Variants in GALNTL6 observed in about 807,000 individuals in gnomAD.
GALNTL6 encodes polypeptide N-acetylgalactosaminyltransferase-like 6.
A neutral mutation model predicts 73.7 loss-of-function variants in GALNTL6; 46 were observed. That is an observed-to-expected ratio of 0.62 (90% confidence interval 0.49 to 0.80). The LOEUF is 0.80. GALNTL6 is among the 30% of genes least tolerant of loss of function. The pLI is 0.00. For synonymous variants in GALNTL6, 259 were observed against 263.7 expected (o/e 0.98, Z 0.17); for missense variants, 604 against 755.0 (o/e 0.80, Z 2.34).
chr4:172,959,113 A>G (rs1749909604), intron 10 of GALNTL6, among the ~76,000 whole-genome samples: 1 of 152,120 alleles, frequency 6.6e-6, no homozygotes, highest in Admixed American at 6.5e-5. Flanking sequence ...GGGATGGGAT[A>G]TTGGCATTGA....
At chr4:172,187,923 A>G (rs998577955) in intron 2 of GALNTL6, among the ~76,000 whole-genome samples, 9 of 152,174 alleles carry the variant, frequency 5.9e-5, no homozygotes, top group African/African-American at 2.2e-4. Flanking sequence ...CACAATGTCA[A>G]GTACTTTTCC....
intron 2 of GALNTL6, among the ~76,000 whole-genome samples, chr4:171,880,008 G>A (rs1321241062): frequency 6.6e-6 from 1 of 152,060 alleles, no homozygotes; most frequent in African/African-American, 2.4e-5. Flanking sequence ...CTCAATGGTG[G>A]TCCATTTGTT....
chr4:171,986,723 G>A (rs368880635), intron 2 of GALNTL6, among the ~76,000 whole-genome samples: 27 of 152,086 alleles, frequency 1.8e-4, no homozygotes, highest in Non-Finnish European at 2.9e-4. Context: ...CCTGGATACC[G>A]TTTTGTATGA....
chr4:172,771,969 C>T (rs1256376006), intron 5 of GALNTL6, among the ~76,000 whole-genome samples: 1 of 152,022 alleles, frequency 6.6e-6, no homozygotes, highest in East Asian at 1.9e-4. Flanking sequence ...GGGCAATTTA[C>T]AGAAGAAGGA....
chr4:172,587,083 G>A (rs1019223773), intron 5 of GALNTL6, among the ~76,000 whole-genome samples: 1 of 152,196 alleles, frequency 6.6e-6, no homozygotes, highest in Non-Finnish European at 1.5e-5. Flanking sequence ...TGAATGTGAA[G>A]AATGCCTATG....
chr4:171,869,438 C>T (rs962616027), intron 2 of GALNTL6, among the ~76,000 whole-genome samples: 1 of 152,142 alleles, frequency 6.6e-6, no homozygotes, highest in African/African-American at 2.4e-5. Flanking sequence ...TCTTGCTTGG[C>T]ACACCCCTGC....
chr4:172,371,964 G>A (rs370636372), intron 5 of GALNTL6, among the ~76,000 whole-genome samples: 1 of 152,302 alleles, frequency 6.6e-6, no homozygotes, highest in East Asian at 1.9e-4. Flanking sequence ...GGGCATGTAG[G>A]ATTAGATAAG....
At chr4:172,871,646 TA>T (rs1744946668) in intron 7 of GALNTL6, among the ~76,000 whole-genome samples, 1 of 119,674 alleles carries the variant, frequency 8.4e-6, no homozygotes, top group African/African-American at 3.4e-5. Context: ...GTGTGTGTGT[TA>T]TATTGTATAT....
chr4:172,206,802 TC>T (rs1560969279), intron 2 of GALNTL6, among the ~76,000 whole-genome samples: 3 of 36,018 alleles, frequency 8.3e-5, no homozygotes, highest in Admixed American at 4.8e-4. Context: ...GTTTTGTTTT[TC>T]TGTTTTTTTT....
intron 3 of GALNTL6, among the ~76,000 whole-genome samples, chr4:172,293,892 T>C (rs949905729): frequency 2.0e-5 from 3 of 151,414 alleles, no homozygotes; most frequent in African/African-American, 7.3e-5. Flanking sequence ...TATTATACTT[T>C]AAGTTTTAGG....
chr4:172,187,090 A>T (rs551668670), intron 2 of GALNTL6, among the ~76,000 whole-genome samples: 2 of 152,236 alleles, frequency 1.3e-5, no homozygotes, highest in East Asian at 3.9e-4. Flanking sequence ...TAATTTTATC[A>T]TGTAAAATGC....
At chr4:172,581,780 C>T (rs1432885228) in intron 5 of GALNTL6, among the ~76,000 whole-genome samples, 1 of 152,124 alleles carries the variant, frequency 6.6e-6, no homozygotes, top group African/African-American at 2.4e-5. Context: ...AAAATTGTTC[C>T]CAACAGGTAG....
At chr4:171,823,556 AATATAT>A (rs543069066) in intron 2 of GALNTL6, among the ~76,000 whole-genome samples, 1 of 133,586 alleles carries the variant, frequency 7.5e-6, no homozygotes, top group African/African-American at 2.6e-5. Flanking sequence ...ATAAACTGTG[AATATAT>A]ATATATGTAT....
chr4:172,508,580 C>G (rs1402121062), intron 5 of GALNTL6, among the ~76,000 whole-genome samples: 1 of 53,444 alleles, frequency 1.9e-5, no homozygotes, highest in Non-Finnish European at 4.3e-5. Context: ...CCCTGAGTCC[C>G]CAAATTTCAC....
At chr4:171,921,246 A>C (rs1435552806) in intron 2 of GALNTL6, among the ~76,000 whole-genome samples, 1 of 152,100 alleles carries the variant, frequency 6.6e-6, no homozygotes, top group African/African-American at 2.4e-5. Context: ...TATCAATACC[A>C]GATGACCAAA....
intron 2 of GALNTL6, among the ~76,000 whole-genome samples, chr4:172,069,481 T>C (rs1461119271): frequency 3.2e-5 from 1 of 30,988 alleles, no homozygotes; most frequent in African/African-American, 6.4e-5. Flanking sequence ...ATATGTTATA[T>C]ATAACACATA....
At chr4:172,206,818 G>T (rs28603253) in intron 2 of GALNTL6, among the ~76,000 whole-genome samples, 43,608 of 62,264 alleles carry the variant, frequency 0.7, 13,176 homozygotes, top group African/African-American at 0.73. Flanking sequence ...TTTTTTGTTT[G>T]TTTTTTTTTT....
At chr4:171,963,644 A>T (rs17057769) in intron 2 of GALNTL6, among the ~76,000 whole-genome samples, 1 of 152,018 alleles carries the variant, frequency 6.6e-6, no homozygotes, top group East Asian at 1.9e-4. Flanking sequence ...CTAAGGAGTG[A>T]TGGTAACCTA....
chr4:172,275,548 G>A (rs545074300), intron 3 of GALNTL6, among the ~76,000 whole-genome samples: 23 of 152,264 alleles, frequency 1.5e-4, no homozygotes, highest in Non-Finnish European at 2.6e-4. Context: ...TACATGTAAA[G>A]CATTAAAGCT....
Sources: gnomAD v4.1 joint callset for allele counts (sites outside exome capture counted in the v4.1 genomes callset) on GRCh38, gnomAD v4.1.1 for gene constraint, MANE v1.5 for transcripts, NCBI Gene and HGNC (gene_info 2026-07-23, HGNC 2026-07-21) for gene names.